The following PLEKHM1 variants were observed in gnomAD, a reference collection of about 807,000 sequenced individuals.
PLEKHM1 encodes the protein pleckstrin homology and RUN domain containing M1.
A neutral mutation model predicts 94.3 loss-of-function variants in PLEKHM1; 28 were observed. The ratio of observed to expected loss-of-function variants is 0.30; its 90% confidence interval spans 0.22 to 0.41. The LOEUF (loss-of-function observed/expected upper bound fraction) is 0.41, where lower values mean the gene tolerates loss of function less well. Ranked by LOEUF, PLEKHM1 falls within the 10% of genes least tolerant of loss-of-function variation. PLEKHM1 has a pLI of 1.00. For synonymous variants in PLEKHM1, 424 were observed against 581.2 expected, an observed-to-expected ratio of 0.73 and a Z score of 3.89; for missense variants, 907 against 1,358.6, an observed-to-expected ratio of 0.67 and a Z score of 5.22.
intron 4 of PLEKHM1, among the ~76,000 whole-genome samples, chr17:45,468,999 C>T (rs1477299479): frequency 2.0e-5 from 3 of 148,944 alleles, no homozygotes. Flanking sequence ...TCCTCCACAG[C>T]ACAGGGAGTA....
chr17:45,448,302 A>C (rs2050672888), intron 8 of PLEKHM1, among the ~76,000 whole-genome samples: 1 of 152,264 alleles, frequency 6.6e-6, no homozygotes, highest in South Asian at 2.1e-4. Flanking sequence ...GGGCGGGGAC[A>C]AGGCAAACAA....
At chr17:45,450,456 T>A (rs1382168354) in intron 8 of PLEKHM1, among the ~76,000 whole-genome samples, 162 bp downstream of exon 8, 1 of 152,156 alleles carries the variant, frequency 6.6e-6, no homozygotes. Flanking sequence ...GCACCAAGCT[T>A]TTCTCTTGGT....
chr17:45,442,566 C>T (rs1394238487), intron 9 of PLEKHM1, among the ~76,000 whole-genome samples: 3 of 152,098 alleles, frequency 2.0e-5, no homozygotes, highest in Admixed American at 6.6e-5. Context: ...CCACCACGCC[C>T]GGCTAATTTT....
intron 5 of PLEKHM1, among the ~76,000 whole-genome samples, chr17:45,461,461 C>T (rs568231987): frequency 6.6e-6 from 1 of 152,312 alleles, no homozygotes; most frequent in African/African-American, 2.4e-5. Flanking sequence ...AAAACCATTG[C>T]CTAAGTCAGT....
chr17:45,450,862 T>A, intron 7 of PLEKHM1, 99 bp from the exon 8 acceptor site: 3 of 697,574 alleles, frequency 4.3e-6, no homozygotes, highest in African/African-American at 1.9e-5. Context: ...GATTTTTTTT[T>A]AAGGTAGGCA....
intron 8 of PLEKHM1, among the ~76,000 whole-genome samples, chr17:45,446,953 G>A (rs1387582000): frequency 1.3e-5 from 2 of 152,150 alleles, no homozygotes; most frequent in East Asian, 1.9e-4. Flanking sequence ...CTTTTCGTTC[G>A]CTGCTGCTGC....
At chr17:45,477,667 C>G in intron 3 of PLEKHM1, 2 of 577,704 alleles carry the variant, frequency 3.5e-6, no homozygotes, top group Admixed American at 2.9e-5. Flanking sequence ...TCAAAGCAGC[C>G]ACAGGCTCTT....
At chr17:45,442,112 G>C (rs1257700384) in intron 9 of PLEKHM1, among the ~76,000 whole-genome samples, 1 of 152,172 alleles carries the variant, frequency 6.6e-6, no homozygotes, top group African/African-American at 2.4e-5. Flanking sequence ...TTCTGTGATG[G>C]CTTCCTCCCA....
chr17:45,458,903 TGA>T (rs2145242089), intron 5 of PLEKHM1, among the ~76,000 whole-genome samples: 1 of 151,182 alleles, frequency 6.6e-6, no homozygotes, highest in East Asian at 2.0e-4. Context: ...GAGGCTGAGG[TGA>T]GAGGATCACC....
chr17:45,455,409 G>T (rs4792856), intron 6 of PLEKHM1, among the ~76,000 whole-genome samples: 70,173 of 151,174 alleles, frequency 0.46, 17,036 homozygotes, highest in South Asian at 0.59. Context: ...CACTCTACCT[G>T]CTCTCAGGCT....
At position 45,453,857 on chromosome 17, in the gene PLEKHM1, C is replaced by T. The variant is rs374996512; in HGVS notation, c.1995G>A (p.Ala665=). 94 of 1,613,948 alleles carry T rather than the reference C, an allele frequency of 5.8e-5. 1 individual carries two copies. The East Asian group carries it at 1.6e-3, about 28-fold the overall frequency. The change falls in exon 7 of 12, where the codon GCG becomes GCA. Residue 665 remains alanine, a synonymous_variant. Transcript: ENST00000430334. This position sits in a 1 kb window ranked among gnomAD's most constrained non-coding sequence, Gnocchi z 4.1. ...AGTCAAACTGTGTGCCCTGGAGGGC[C>T]GCGGGCTCCGAGAGCAGGTCTGAGG... is the stretch of plus-strand genomic sequence containing the variant. The part of the protein sequence containing the change: ...LSPSDLLSEP[A]ALQGTQFDWS...
chr17:45,473,311 G>C (rs1199986270), intron 4 of PLEKHM1, among the ~76,000 whole-genome samples: 1 of 152,164 alleles, frequency 6.6e-6, no homozygotes, highest in Admixed American at 6.5e-5. Context: ...GAATGAGGCT[G>C]GGCGCAGTGG....
chr17:45,447,160 C>T (rs113575082), intron 8 of PLEKHM1, among the ~76,000 whole-genome samples: 18,718 of 152,276 alleles, frequency 0.12, 1,552 homozygotes, highest in Middle Eastern at 0.21. Flanking sequence ...CCTGTTGTCC[C>T]CTTGAGGGTT....
chr17:45,469,735 A>C (rs1261237849), intron 4 of PLEKHM1, among the ~76,000 whole-genome samples: 1 of 152,212 alleles, frequency 6.6e-6, no homozygotes, highest in African/African-American at 2.4e-5. Flanking sequence ...ACAACATTTC[A>C]AGACATTATG....
In PLEKHM1 at chr17:45,453,875, G is replaced by A; in HGVS notation, c.1977C>T (p.Asp659=). The A allele has an allele frequency of 1.2e-6, 2 of 1,613,952 alleles. No homozygotes were observed. Residue 659 remains aspartate (D), a synonymous_variant, in exon 7 of 12, where the codon GAC becomes GAT. Coordinates refer to ENST00000430334, the MANE Select transcript of PLEKHM1 (RefSeq NM_014798.3). The surrounding 1 kb of genome is among the most constrained non-coding windows in gnomAD (Gnocchi z 4.1). Reference sequence around the variant, plus strand: ...GGAGGGCCGCGGGCTCCGAGAGCAGGTCTGAGGGAGAGAGGCAGCCCTGGG... The same window carrying A: ...GGAGGGCCGCGGGCTCCGAGAGCAGATCTGAGGGAGAGAGGCAGCCCTGGG... ...EAPQGCLSPS[D]LLSEPAALQG... is the part of the protein sequence containing the mutation.
chr17:45,477,133 G>A (rs2051769133), intron 3 of PLEKHM1: 1 of 153,416 alleles, frequency 6.5e-6, no homozygotes, highest in Non-Finnish European at 1.5e-5. Context: ...AGAGATAAGT[G>A]TCTCAGGGTG....
intron 1 of PLEKHM1, among the ~76,000 whole-genome samples, chr17:45,489,363 G>A (rs943320510): frequency 1.3e-5 from 2 of 152,170 alleles, no homozygotes; most frequent in African/African-American, 4.8e-5. Flanking sequence ...AAAGGAACAC[G>A]AACAATATTC....
intron 1 of PLEKHM1, among the ~76,000 whole-genome samples, chr17:45,484,203 T>C (rs1264859907): frequency 6.6e-6 from 1 of 152,212 alleles, no homozygotes; most frequent in Non-Finnish European, 1.5e-5. Flanking sequence ...ATTTTTGACA[T>C]AGTTTGGAAT....
At chr17:45,439,935 G>A in intron 10 of PLEKHM1, 1 of 635,890 alleles carries the variant, frequency 1.6e-6, no homozygotes, top group Non-Finnish European at 2.8e-6. Flanking sequence ...TCTCTTCCCT[G>A]TGATCCTGGG....
Sources: gnomAD v4.1 joint callset for allele counts (sites outside exome capture counted in the v4.1 genomes callset) on GRCh38, gnomAD v4.1.1 for gene constraint, Gnocchi (gnomAD v3.1) non-coding constraint, MANE v1.5 for transcripts, NCBI Gene and HGNC (gene_info 2026-07-23, HGNC 2026-07-21) for gene names.